The following ELMO3 variants were observed in gnomAD, a reference collection of about 807,000 sequenced individuals.
ELMO3 encodes the protein engulfment and cell motility 3.
In ELMO3, 81 loss-of-function variants were observed where a neutral mutation model predicts 89.0. That is an observed-to-expected ratio of 0.91 (90% CI 0.76 to 1.09). ELMO3 has a LOEUF of 1.09. Ranked by LOEUF, ELMO3 falls within the 50% of genes least tolerant of loss-of-function variation. The probability of loss-of-function intolerance (pLI) is 0.00; values close to 1 mark genes in which losing one functional copy is unlikely to be tolerated. For missense variants in ELMO3, 959 were observed against 972.8 expected, an observed-to-expected ratio of 0.99 and a Z score of 0.19; for synonymous variants, 406 against 400.6, an observed-to-expected ratio of 1.01 and a Z score of -0.16.
rs1375830088 is a variant in ELMO3 at position 67,202,158 on chromosome 16, C to A, written c.1153-18C>A. The A allele has an allele frequency of 6.3e-7, 1 of 1,599,308 alleles. No individual in the cohort carries two copies. The highest frequency in any genetic ancestry group is 8.5e-7 in the Non-Finnish European group (1 of 1,170,834). ...TGGGCTTAGCTGTGACTCCTTGCCC[C>A]ATTCTCTGCGCCCCCAGTTTGTGTT... On this transcript the variant is annotated intron_variant, in intron 12 of 19. Transcript: ENST00000393997.
chr16:67,199,568 G>C lies in ELMO3; in HGVS notation c.94G>C (p.Ala32Pro). Residue 32 changes from alanine (A) to proline (P), a missense_variant, in exon 2 of 20, where the codon GCT (alanine) becomes CCT (proline). Transcript: ENST00000393997. ...IQLDQAKPLA[A>P]VLKEVCDAWS... ...CCACTTGCAGGCGAAGCCCCTGGCC[G>C]CTGTGCTGAAGGAGGTGTGCGACGC... is the stretch of plus-strand genomic sequence containing the variant. The C allele has an allele frequency of 6.2e-7, 1 of 1,603,256 alleles. No homozygotes were observed.
intron 6 of ELMO3, 34 bp downstream of exon 6, chr16:67,200,584 C>T: frequency 6.2e-7 from 1 of 1,612,764 alleles, no homozygotes; most frequent in East Asian, 2.2e-5. Flanking sequence ...CGGGTGGGGG[C>T]AGTGGAGCAG....
At position 67,201,789 on chromosome 16, in the gene ELMO3, G is replaced by A. The variant is rs1448118916; in HGVS notation, c.966G>A (p.Val322=). The change falls in exon 11 of 20, where the codon GTG becomes GTA. Residue 322 remains valine, a synonymous_variant. Coordinates refer to ENST00000393997, the MANE Select transcript of ELMO3 (RefSeq NM_024712.5). ...TCCTACGCCAGGCTGCCTTCGAGGT[G>A]GAGGGGGAGTCCTCGGGTGCCGGGC... is the stretch of plus-strand genomic sequence containing the variant. ...LQVLRQAAFE[V]EGESSGAGLS... is the part of the protein sequence containing the mutation. 2 of 1,611,954 alleles carry A rather than the reference G, an allele frequency of 1.2e-6. No individual in the cohort carries two copies. The highest frequency in any genetic ancestry group is 4.5e-5 in the East Asian group (2 of 44,886).
rs758050800 is a variant in ELMO3 at position 67,203,595 on chromosome 16, C to T, written c.1950+12C>T. On this transcript the variant is annotated intron_variant, in intron 19 of 19. Transcript: ENST00000393997. This position sits in a 1 kb window ranked among gnomAD's most constrained non-coding sequence, Gnocchi z 4.6. ...CCTCCAAGCGGGAGGTGAGTGTCCG[C>T]CAGGCTGAGGTCGGCAGGTGGGCAG... is the stretch of plus-strand genomic sequence containing the variant. 1.2e-6 allele frequency: 2 copies of T among 1,614,086 alleles called. No individual in the cohort carries two copies. The highest frequency in any genetic ancestry group is 1.7e-5 in the Admixed American group (1 of 60,016).
chr16:67,201,340 A>G, intron 8 of ELMO3, 45 bp from the exon 9 acceptor site: 1 of 1,610,136 alleles, frequency 6.2e-7, no homozygotes, highest in Non-Finnish European at 8.5e-7. Context: ...TACAGGCGTG[A>G]GCCACCGCGC....
rs1470725179 is a variant in ELMO3, at chr16:67,200,439, TC to T, written c.414-6del. On this transcript the variant is annotated splice_polypyrimidine_tract_variant and intron_variant, in intron 5 of 19. Coordinates refer to ENST00000393997, the MANE Select transcript of ELMO3 (RefSeq NM_024712.5). ...GGGTGGTCCTGCTCAGCCCCAGATGTCCCCCCTCCAGCCTAGGAGAGGTGCT... is the reference window on the plus strand; with the variant it reads ...GGGTGGTCCTGCTCAGCCCCAGATGTCCCCCTCCAGCCTAGGAGAGGTGCT... 9 of 1,611,248 alleles carry T rather than the reference TC, an allele frequency of 5.6e-6. No individual in the cohort carries two copies. In the South Asian group the frequency reaches 8.8e-5, roughly 16 times the overall value.
chr16:67,199,573 G>T lies in ELMO3; in HGVS notation c.99G>T (p.Val33=). The change falls in exon 2 of 20, where the codon GTG becomes GTT. Residue 33 remains valine (V), a synonymous_variant. Transcript: ENST00000393997. ...TGCAGGCGAAGCCCCTGGCCGCTGT[G>T]CTGAAGGAGGTGTGCGACGCGTGAG... ...QLDQAKPLAA[V]LKEVCDAWSL... The T allele has an allele frequency of 6.2e-7, 1 of 1,609,084 alleles. No homozygotes were observed. The highest frequency in any genetic ancestry group is 8.5e-7 in the Non-Finnish European group (1 of 1,179,404).
At chr16:67,202,346 C>A in intron 13 of ELMO3, 51 bp from the exon 14 acceptor site, 2 of 1,613,558 alleles carry the variant, frequency 1.2e-6, no homozygotes, top group Admixed American at 1.7e-5. Context: ...CAGAGAGGGC[C>A]AGGGGCTGTA....
Position 67,202,060 on chromosome 16 carries a change from G to A in ELMO3, c.1134G>A (p.Ala378=), listed in dbSNP as rs745911368. The A allele has an allele frequency of 9.8e-6, 14 of 1,424,634 alleles. No homozygotes were observed. In the African/African-American group the frequency reaches 1.3e-4, roughly 13 times the overall value. The allele number at this position is 1,424,634 out of a possible 1,614,324, so 88.2% of individuals were successfully genotyped here. Residue 378 remains alanine, a synonymous_variant, in exon 12 of 20, where the codon GCG becomes GCA. Coordinates refer to ENST00000393997, the MANE Select transcript of ELMO3 (RefSeq NM_024712.5). The part of the protein sequence containing the change: ...LDNMLYFSRN[A]PSAYSRFVLE... ...ACATGTTGTACTTCTCCAGAAACGC[G>A]CCCAGCGCGTACAGCCGGGTCGGTG...
At position 67,202,480 on chromosome 16, in the gene ELMO3, C is replaced by T; in HGVS notation, c.1345C>T (p.Leu449=). Residue 449 remains leucine, a synonymous_variant, in exon 14 of 20, where the codon CTG becomes TTG. Coordinates refer to ENST00000393997, the MANE Select transcript of ELMO3 (RefSeq NM_024712.5). ...FHELFCVGIQ[L]LNKTWKEMRA... is the part of the protein sequence containing the mutation. ...CGAGCTCTTCTGTGTGGGCATCCAG[C>T]TGTTGAATAAGACCTGGAAGGAGAT... 2.5e-6 allele frequency: 4 copies of T among 1,613,132 alleles called. No homozygotes were observed. Among genetic ancestry groups the T allele is most frequent in the Non-Finnish European group, 3.4e-6 (4 of 1,180,032 alleles).
chr16:67,201,597 G>T lies in ELMO3; in HGVS notation c.873G>T (p.Gly291=). Residue 291 remains glycine (G), a synonymous_variant, in exon 10 of 20, where the codon GGG becomes GGT. Coordinates refer to ENST00000393997, the MANE Select transcript of ELMO3 (RefSeq NM_024712.5). ...HLYVLQALML[G]LLEPRMRTPL... is the part of the protein sequence containing the mutation. ...ACGTACTGCAGGCTCTCATGCTGGG[G>T]CTGCTGGAGCCGCGCATGCGGACGC... 6.2e-7 allele frequency: 1 copy of T among 1,613,810 alleles called. No homozygotes were observed.
rs749348890 is a variant in ELMO3, at chr16:67,201,403, T to C, written c.763T>C (p.Trp255Arg). The C allele has an allele frequency of 2.2e-5, 35 of 1,613,838 alleles. No homozygotes were observed. In the Middle Eastern group the frequency reaches 1.5e-3, roughly 68 times the overall value. The part of the protein sequence containing the change: ...VERKHMLDYL[W>R]QRNLRQFIYK... The stretch of plus-strand genomic sequence containing the variant: ...CCCTCAGCACATGCTTGACTATCTT[T>C]GGCAGAGGAACCTTCGCCAGTTCAT... Residue 255 changes from tryptophan (W) to arginine (R), a missense_variant, in exon 9 of 20, where the codon TGG (tryptophan) becomes CGG (arginine). Physicochemically the swap from Trp to Arg is moderately radical, Grantham distance 101 (BLOSUM62 -3). Coordinates refer to ENST00000393997, the MANE Select transcript of ELMO3 (RefSeq NM_024712.5).
chr16:67,203,745 G>A lies in ELMO3; in HGVS notation c.2031G>A (p.Gln677=). The change falls in exon 20 of 20, where the codon CAG becomes CAA. Residue 677 remains glutamine (Q), a synonymous_variant. Transcript: ENST00000393997. This position sits in a 1 kb window ranked among gnomAD's most constrained non-coding sequence, Gnocchi z 4.6. ...GSEQTRLDLE[Q]LLTMETKLRL... is the part of the protein sequence containing the mutation. The stretch of plus-strand genomic sequence containing the variant: ...AGCAGACACGGCTGGACCTGGAGCA[G>A]CTGCTGACCATGGAGACCAAGCTGC... 1 of 1,613,510 alleles carries A rather than the reference G, an allele frequency of 6.2e-7. No homozygotes were observed. The highest frequency in any genetic ancestry group is 8.5e-7 in the Non-Finnish European group (1 of 1,180,002).
In ELMO3 at chr16:67,203,263, C is replaced by T. The variant is rs1339532266; in HGVS notation, c.1780+40C>T. 6.3e-6 allele frequency: 10 copies of T among 1,591,186 alleles called. No individual in the cohort carries two copies. Among genetic ancestry groups the T allele is most frequent in the African/African-American group, 2.7e-5 (2 of 74,714 alleles). On this transcript the variant is annotated intron_variant, in intron 17 of 19. Coordinates refer to ENST00000393997, the MANE Select transcript of ELMO3 (RefSeq NM_024712.5). This position sits in a 1 kb window ranked among gnomAD's most constrained non-coding sequence, Gnocchi z 4.6. ...GGCGGGGGCCAGATACCTGCTCTCC[C>T]CAGACCGCCCTGGGCCCCGGGGCTG...
intron 1 of ELMO3, 24 bp from the exon 2 acceptor site, chr16:67,199,529 C>A: frequency 1.3e-6 from 2 of 1,599,412 alleles, no homozygotes; most frequent in Non-Finnish European, 8.5e-7. Flanking sequence ...GCCCAGGCCG[C>A]GAGAATGACC....
intron 1 of ELMO3, 48 bp downstream of exon 1, chr16:67,199,452 G>A (rs1281222738): frequency 3.8e-6 from 6 of 1,590,426 alleles, no homozygotes; most frequent in Admixed American, 1.7e-5. Context: ...CCCACCTCCC[G>A]GTAGCCCCCT....
rs768949780 is a variant in ELMO3 at position 67,199,383 on chromosome 16, G to A, written c.57G>A (p.Pro19=). ...KIAIKMRDAI[P]QLIQLDQAKP... ...CCATCAAGATGCGTGACGCCATCCCGCAGCTCATCCAGCTGGACCAGGTCA... is the reference window on the plus strand; with the variant it reads ...CCATCAAGATGCGTGACGCCATCCCACAGCTCATCCAGCTGGACCAGGTCA... The change falls in exon 1 of 20, where the codon CCG becomes CCA. Residue 19 remains proline, a synonymous_variant. Coordinates refer to ENST00000393997, the MANE Select transcript of ELMO3 (RefSeq NM_024712.5). 1.2e-6 allele frequency: 2 copies of A among 1,607,592 alleles called. No homozygotes were observed. The highest frequency in any genetic ancestry group is 1.1e-5 in the South Asian group (1 of 90,986).
Position 67,203,079 on chromosome 16 carries a change from A to G in ELMO3, c.1676-40A>G, listed in dbSNP as rs745894527. On this transcript the variant is annotated intron_variant, in intron 16 of 19. Transcript: ENST00000393997. This position sits in a 1 kb window ranked among gnomAD's most constrained non-coding sequence, Gnocchi z 4.6. ...AGAGGGCGGCTGGCTTGGTGTCAGG[A>G]CCTCTCAGCACTCTGGCCCTCTTCC... 1.9e-6 allele frequency: 3 copies of G among 1,593,170 alleles called. No homozygotes were observed. In the African/African-American group the frequency reaches 4.0e-5, roughly 21 times the overall value.
At position 67,199,955 on chromosome 16, in the gene ELMO3, G is replaced by T. The variant is rs748829804; in HGVS notation, c.197G>T (p.Arg66Leu). ...CTTTTCTGCTGTCTTCTCCAGAACC[G>T]CGCGGAGATCAAGAATGGCAGCATC... Reference protein sequence around the residue: ...GHRRYITENNRAEIKNGSILC... With the variant: ...GHRRYITENNLAEIKNGSILC... Residue 66 changes from arginine (R) to leucine (L), a missense_variant, in exon 4 of 20, where the codon CGC (arginine) becomes CTC (leucine). Transcript: ENST00000393997. The T allele has an allele frequency of 6.2e-7, 1 of 1,613,712 alleles. No individual in the cohort carries two copies. The highest frequency in any genetic ancestry group is 8.5e-7 in the Non-Finnish European group (1 of 1,180,020).
Sources: allele counts gnomAD v4.1 joint callset, GRCh38; gene constraint gnomAD v4.1.1; non-coding constraint Gnocchi (gnomAD v3.1); transcripts MANE v1.5; gene names NCBI Gene and HGNC (gene_info 2026-07-23, HGNC 2026-07-21).